The following SYCP2L variants were observed in gnomAD, a reference collection of about 807,000 sequenced individuals.
The protein encoded by SYCP2L is synaptonemal complex protein 2 like.
Under a neutral mutation model 125.8 loss-of-function variants are expected in SYCP2L, and 98 were observed. That is an observed-to-expected ratio of 0.78 (90% confidence interval 0.66 to 0.92). The LOEUF is 0.92. Among genes scored for constraint, SYCP2L ranks in the 40% least tolerant of loss-of-function variants. The probability of loss-of-function intolerance (pLI) is 0.00; values close to 1 mark genes in which losing one functional copy is unlikely to be tolerated. For synonymous variants in SYCP2L, 317 were observed against 325.4 expected, an observed-to-expected ratio of 0.97 and a Z score of 0.28; for missense variants, 842 against 936.4, an observed-to-expected ratio of 0.90 and a Z score of 1.32.
intron 23 of SYCP2L, among the ~76,000 whole-genome samples, chr6:10,944,684 C>T (rs1178859047): frequency 6.6e-6 from 1 of 151,730 alleles, no homozygotes; most frequent in Non-Finnish European, 1.5e-5. Flanking sequence ...ATATATTTGT[C>T]ATTATTTACT....
At chr6:10,893,649 G>A (rs535719959) in intron 2 of SYCP2L, among the ~76,000 whole-genome samples, 1 of 152,206 alleles carries the variant, frequency 6.6e-6, no homozygotes, top group South Asian at 2.1e-4. Flanking sequence ...CGCTGTTGGT[G>A]GTCTAGGAAC....
chr6:10,924,940 G>C (rs1780871119), intron 15 of SYCP2L, among the ~76,000 whole-genome samples: 1 of 152,110 alleles, frequency 6.6e-6, no homozygotes, highest in African/African-American at 2.4e-5. Context: ...CTTCTTCCTG[G>C]AGTCCTGAGG....
intron 4 of SYCP2L, among the ~76,000 whole-genome samples, chr6:10,896,279 A>G (rs1464369857): frequency 6.6e-6 from 1 of 152,170 alleles, no homozygotes; most frequent in South Asian, 2.1e-4. Flanking sequence ...TAGTGATACA[A>G]CTGTGGGGAG....
At position 10,942,319 on chromosome 6, in the gene SYCP2L, A is replaced by T. The variant is rs186683937; in HGVS notation, c.1814-140A>T. The T allele has an allele frequency of 2.1e-3, 1,281 of 597,454 alleles. 3 individuals are homozygous for T. Among genetic ancestry groups the T allele is most frequent in the Non-Finnish European group, 3.1e-3 (1,100 of 353,108 alleles). 37.0% of individuals were successfully genotyped at this position (597,454 alleles called of 1,614,324 possible). A position where few individuals can be genotyped will look rare whatever the true frequency, so the allele number is the denominator to read the frequency against. On this transcript the variant is annotated intron_variant, in intron 21 of 29. Transcript: ENST00000283141. ...TAAAAAAGAATTCGTGTCCCGAAAG[A>T]CACAGTCAGTAGATTTTTGTTTCAC... is the stretch of plus-strand genomic sequence containing the variant.
chr6:10,909,705 C>T (rs148166235), intron 10 of SYCP2L, among the ~76,000 whole-genome samples: 4 of 152,212 alleles, frequency 2.6e-5, no homozygotes, highest in Non-Finnish European at 2.9e-5. Context: ...GAAAGTTGGC[C>T]GTAGATAATA....
intron 4 of SYCP2L, 123 bp from the exon 5 acceptor site, chr6:10,897,888 A>T (rs1780285435): frequency 2.9e-6 from 2 of 683,398 alleles, no homozygotes; most frequent in Admixed American, 4.5e-5. Context: ...CCTCATTGAA[A>T]TGGAATGGAA....
chr6:10,923,443 T>C (rs1308285106), intron 14 of SYCP2L, among the ~76,000 whole-genome samples: 2 of 134,364 alleles, frequency 1.5e-5, no homozygotes, highest in African/African-American at 2.9e-5. Flanking sequence ...TGGAGTGCAG[T>C]GGCATGATCT....
In SYCP2L at chr6:10,902,772, A is replaced by G; in HGVS notation, c.552+10A>G. On this transcript the variant is annotated intron_variant, in intron 7 of 29. Transcript: ENST00000283141. ...TTTGCTTCAACAGGAGGTGAGTTGC[A>G]AGTAACAAAACAGGTAATAGTGGTT... The G allele has an allele frequency of 1.2e-6, 2 of 1,613,902 alleles. No homozygotes were observed. Among genetic ancestry groups the G allele is most frequent in the Non-Finnish European group, 1.7e-6 (2 of 1,179,752 alleles).
At position 10,893,886 on chromosome 6, in the gene SYCP2L, A is replaced by T. The variant is rs749271825; in HGVS notation, c.98A>T (p.Asp33Val). 1.2e-6 allele frequency: 2 copies of T among 1,609,500 alleles called. No homozygotes were observed. The highest frequency in any genetic ancestry group is 1.7e-5 in the Admixed American group (1 of 58,958). ...DAFWLQSLITDAFHDKGFQKI... is the reference protein window; with the variant it reads ...DAFWLQSLITVAFHDKGFQKI... ...TTCCAGCTTCAATCACTTATTACGG[A>T]TGCATTCCATGATAAAGGATTTCAG... is the stretch of plus-strand genomic sequence containing the variant. Residue 33 changes from aspartate (D) to valine (V), a missense_variant, in exon 3 of 30, where the codon GAT becomes GTT. By Grantham distance (152) the Asp-to-Val change is radical. Transcript: ENST00000283141.
At chr6:10,905,995 A>G in intron 8 of SYCP2L, 25 bp from the exon 9 acceptor site, 1 of 1,563,740 alleles carries the variant, frequency 6.4e-7, no homozygotes, top group Non-Finnish European at 8.8e-7. Context: ...ACTTCAGTTA[A>G]ATGTGATTTA....
intron 6 of SYCP2L, among the ~76,000 whole-genome samples, chr6:10,900,259 C>T (rs1246505221): frequency 6.6e-6 from 1 of 151,818 alleles, no homozygotes; most frequent in East Asian, 1.9e-4. Flanking sequence ...TGGCTTCTTG[C>T]TGTATGCCTA....
In SYCP2L at chr6:10,930,497, C is replaced by T. The variant is rs769975495; in HGVS notation, c.1616C>T (p.Thr539Ile). ...KSYSSRKKTRTRSNLRILPVF... is the reference protein window; with the variant it reads ...KSYSSRKKTRIRSNLRILPVF... ...TATTCCAGTAGAAAGAAGACAAGAACCAGAAGTAATTTGAGAAGTAAGTCT... is the reference window on the plus strand; with the variant it reads ...TATTCCAGTAGAAAGAAGACAAGAATCAGAAGTAATTTGAGAAGTAAGTCT... Residue 539 changes from threonine to isoleucine, a missense_variant, in exon 19 of 30, where the codon ACC (threonine) becomes ATC (isoleucine). Transcript: ENST00000283141. 1.2e-6 allele frequency: 2 copies of T among 1,611,804 alleles called. No individual in the cohort carries two copies. Among genetic ancestry groups the T allele is most frequent in the South Asian group, 1.1e-5 (1 of 90,582 alleles).
At chr6:10,937,667 A>G (rs1781125110) in intron 21 of SYCP2L, among the ~76,000 whole-genome samples, 1 of 152,158 alleles carries the variant, frequency 6.6e-6, no homozygotes, top group African/African-American at 2.4e-5. Context: ...AAATTGACAG[A>G]CCTTTAGCTA....
intron 29 of SYCP2L, among the ~76,000 whole-genome samples, chr6:10,970,400 C>A (rs56051277): frequency 0.059 from 9,034 of 152,040 alleles, 868 homozygotes; most frequent in African/African-American, 0.2. Flanking sequence ...CCTTACAGGC[C>A]GTGGTAAGGA....
At chr6:10,889,104 C>T (rs1339766394) in intron 1 of SYCP2L, among the ~76,000 whole-genome samples, 3 of 152,178 alleles carry the variant, frequency 2.0e-5, no homozygotes, top group African/African-American at 7.2e-5. Context: ...TCATGATATG[C>T]CCGCCTTGGC....
intron 15 of SYCP2L, among the ~76,000 whole-genome samples, chr6:10,925,282 C>T (rs1430371022): frequency 1.3e-5 from 2 of 152,144 alleles, no homozygotes; most frequent in African/African-American, 4.8e-5. Context: ...TCTCCCATGA[C>T]ATGTGGGAAT....
chr6:10,916,032 T>C (rs968802673), intron 14 of SYCP2L, among the ~76,000 whole-genome samples: 1 of 152,192 alleles, frequency 6.6e-6, no homozygotes, highest in Non-Finnish European at 1.5e-5. Flanking sequence ...ATCTGATTCT[T>C]CCTGATTTAA....
In SYCP2L at chr6:10,928,470, CT is replaced by C; in HGVS notation, c.1488+21del. The stretch of plus-strand genomic sequence containing the variant: ...CAACCTGTGAGTACAGGGAGTGGGG[CT>C]CAAGTTTCTTATCTGTCTCCAGTGG... On this transcript the variant is annotated intron_variant, in intron 18 of 29. Transcript: ENST00000283141. 1 of 1,569,326 alleles carries C rather than the reference CT, an allele frequency of 6.4e-7. No individual in the cohort carries two copies. The highest frequency in any genetic ancestry group is 1.2e-5 in the South Asian group (1 of 82,176).
intron 2 of SYCP2L, among the ~76,000 whole-genome samples, chr6:10,893,285 A>G (rs1291841042): frequency 1.3e-5 from 2 of 152,214 alleles, no homozygotes; most frequent in African/African-American, 4.8e-5. Context: ...GGCGTGCGCC[A>G]CTGCACCCGG....
Sources: allele counts gnomAD v4.1 joint callset (sites outside exome capture counted in the v4.1 genomes callset), GRCh38; gene constraint gnomAD v4.1.1; transcripts MANE v1.5; gene names NCBI Gene and HGNC (gene_info 2026-07-23, HGNC 2026-07-21).